GNA12: variants seen among roughly 807,000 people sequenced by gnomAD.
GNA12 encodes G protein subunit alpha 12.
GNA12 carries 9 observed loss-of-function variants against 26.0 expected under a neutral mutation model. The ratio of observed to expected loss-of-function variants is 0.35; its 90% CI spans 0.21 to 0.60. GNA12 has a LOEUF of 0.60. Among genes scored for constraint, GNA12 ranks in the 20% least tolerant of loss-of-function variants. The pLI is 0.78. For missense variants in GNA12, 405 were observed against 525.8 expected, an observed-to-expected ratio of 0.77 and a Z score of 2.25; for synonymous variants, 264 against 219.6, an observed-to-expected ratio of 1.20 and a Z score of -1.79.
chr7:2,741,782 C>T (rs1031802694), intron 2 of GNA12, among the ~76,000 whole-genome samples: 2 of 151,502 alleles, frequency 1.3e-5, no homozygotes, highest in South Asian at 2.1e-4. Flanking sequence ...AATGAGGACA[C>T]CTGCTTCTAC....
In GNA12 at chr7:2,731,051, C is replaced by G; in HGVS notation, c.*130G>C. On this transcript the variant is annotated 3_prime_UTR_variant, in exon 4 of 4. Transcript: ENST00000275364. This position sits in a 1 kb window ranked among gnomAD's most constrained non-coding sequence, Gnocchi z 6.0. ...GCTGGCTGGCTGGTCTGACAGCATTCCTGAGCCAGGTATTCCAGGGCACGG... is the reference window on the plus strand; with the variant it reads ...GCTGGCTGGCTGGTCTGACAGCATTGCTGAGCCAGGTATTCCAGGGCACGG... 1.6e-6 allele frequency: 1 copy of G among 629,878 alleles called. No homozygotes were observed. Among genetic ancestry groups the G allele is most frequent in the Non-Finnish European group, 2.8e-6 (1 of 363,574 alleles). 39.0% of individuals were successfully genotyped at this position (629,878 alleles called of 1,614,324 possible).
chr7:2,783,341 T>G (rs1792276710), intron 2 of GNA12, among the ~76,000 whole-genome samples: 4 of 152,194 alleles, frequency 2.6e-5, no homozygotes, highest in African/African-American at 9.7e-5. Context: ...GCTAGGTATG[T>G]GGGTGACAGG....
chr7:2,809,924 A>G (rs1305417933), intron 1 of GNA12, among the ~76,000 whole-genome samples: 1 of 152,254 alleles, frequency 6.6e-6, no homozygotes, highest in African/African-American at 2.4e-5. Flanking sequence ...AATTCATAGT[A>G]AAAATTTCTA....
chr7:2,788,014 G>A (rs752118795), intron 2 of GNA12, among the ~76,000 whole-genome samples: 6 of 152,162 alleles, frequency 3.9e-5, no homozygotes, highest in Non-Finnish European at 7.3e-5. Context: ...AATTAGCCGG[G>A]CATGGTGGCA....
At chr7:2,815,031 C>A in intron 1 of GNA12, 1 of 1,506,392 alleles carries the variant, frequency 6.6e-7, no homozygotes, top group Non-Finnish European at 8.9e-7. Context: ...CAATCCAGTC[C>A]CCTGTCAAAG....
At chr7:2,794,663 C>G in intron 2 of GNA12, 1 of 482,086 alleles carries the variant, frequency 2.1e-6, no homozygotes, top group African/African-American at 1.9e-5. Flanking sequence ...CGGGTTGTGC[C>G]AATGCTGATG....
At chr7:2,773,807 C>A (rs564299769) in intron 2 of GNA12, among the ~76,000 whole-genome samples, 3 of 152,316 alleles carry the variant, frequency 2.0e-5, no homozygotes, top group South Asian at 4.1e-4. Flanking sequence ...CACCAAAAGA[C>A]AGGTTCTTGA....
chr7:2,781,412 CTGTGTGTGTGTGTGTGTG>C (rs58348546), intron 2 of GNA12, among the ~76,000 whole-genome samples: 2 of 143,722 alleles, frequency 1.4e-5, no homozygotes, highest in African/African-American at 2.6e-5. Context: ...AAGTAAGTGT[CTGTGTGTGTGTGTGTGTG>C]TGTGTGTGTG....
At chr7:2,767,750 C>T (rs923963933) in intron 2 of GNA12, among the ~76,000 whole-genome samples, 2 of 152,224 alleles carry the variant, frequency 1.3e-5, no homozygotes, top group African/African-American at 4.8e-5. Flanking sequence ...TAACATGGTA[C>T]ATATGCTATG....
rs187196849 is a variant in GNA12, at chr7:2,734,926, G to A, written c.526-1425C>T. On this transcript the variant is annotated intron_variant, in intron 2 of 3. Coordinates refer to ENST00000275364, the MANE Select transcript of GNA12 (RefSeq NM_007353.3). ...AGGGTGAACGTACCCCAAGGGCCCG[G>A]CACGACTGACCTCTCGTGCCTGCTC... Among the ~76,000 whole-genome samples, 49 of 152,264 alleles carry A rather than the reference G, an allele frequency of 3.2e-4. No homozygotes were observed. The East Asian group carries it at 8.5e-3, about 26-fold the overall frequency.
chr7:2,750,846 T>TA (rs1463950787), intron 2 of GNA12, among the ~76,000 whole-genome samples: 4 of 152,200 alleles, frequency 2.6e-5, no homozygotes, highest in Non-Finnish European at 5.9e-5. Flanking sequence ...GCGAAAGTTT[T>TA]AGAGTTATCA....
At chr7:2,812,340 G>A (rs536665654) in intron 1 of GNA12, among the ~76,000 whole-genome samples, 1 of 152,294 alleles carries the variant, frequency 6.6e-6, no homozygotes, top group East Asian at 1.9e-4. Flanking sequence ...AAAATCAGAG[G>A]CTTTGTAGGC....
At chr7:2,781,545 A>T (rs1792230571) in intron 2 of GNA12, among the ~76,000 whole-genome samples, 1 of 151,970 alleles carries the variant, frequency 6.6e-6, no homozygotes, top group African/African-American at 2.4e-5. Context: ...TAAAAAGATA[A>T]ATCTTAATAT....
chr7:2,826,492 G>A (rs552570300), intron 1 of GNA12, among the ~76,000 whole-genome samples: 1 of 152,146 alleles, frequency 6.6e-6, no homozygotes, highest in South Asian at 2.1e-4. Context: ...GCACACAGGT[G>A]TTTACCACAG....
chr7:2,836,162 G>C, intron 1 of GNA12: 1 of 224,670 alleles, frequency 4.5e-6, no homozygotes, highest in Non-Finnish European at 9.2e-6. Flanking sequence ...ATGAACTGCA[G>C]AGGATAGAGT....
intron 1 of GNA12, among the ~76,000 whole-genome samples, chr7:2,843,545 G>A (rs927650950): frequency 6.6e-6 from 1 of 152,108 alleles, no homozygotes; most frequent in Non-Finnish European, 1.5e-5. Flanking sequence ...ACTTCGGGAG[G>A]CTAAGGAGGG....
rs541664589 is a variant in GNA12, at chr7:2,746,252, T to C, written c.526-12751A>G. ...GCACCACACCACACCTATTCCAAAATTGACCACTTGATAGTTGGAAGTAAA... is the reference window on the plus strand; with the variant it reads ...GCACCACACCACACCTATTCCAAAACTGACCACTTGATAGTTGGAAGTAAA... On this transcript the variant is annotated intron_variant, in intron 2 of 3. Transcript: ENST00000275364. Among the ~76,000 whole-genome samples the C allele has an allele frequency of 8.5e-5, 13 of 152,270 alleles. No homozygotes were observed. In the East Asian group the frequency reaches 9.6e-4, roughly 11 times the overall value.
intron 1 of GNA12, among the ~76,000 whole-genome samples, chr7:2,797,757 C>G (rs1792712955): frequency 6.6e-6 from 1 of 152,122 alleles, no homozygotes; most frequent in Non-Finnish European, 1.5e-5. Flanking sequence ...GAGATGCTCC[C>G]TGATTTTCCC....
chr7:2,777,857 A>G (rs1315861246), intron 2 of GNA12, among the ~76,000 whole-genome samples: 1 of 152,254 alleles, frequency 6.6e-6, no homozygotes, highest in East Asian at 1.9e-4. Context: ...AGGCTCATAA[A>G]TAAACTCAGA....
Sources: gnomAD v4.1 joint callset for allele counts (sites outside exome capture counted in the v4.1 genomes callset) on GRCh38, gnomAD v4.1.1 for gene constraint, Gnocchi (gnomAD v3.1) non-coding constraint, MANE v1.5 for transcripts, NCBI Gene and HGNC (gene_info 2026-07-23, HGNC 2026-07-21) for gene names.